Variants in CDC16 observed in about 807,000 individuals in gnomAD.
The protein encoded by CDC16 is cell division cycle protein 16 homolog.
CDC16 carries 34 observed loss-of-function variants against 87.0 expected under a neutral mutation model. The observed-to-expected ratio is 0.39, with a 90% CI of 0.30 to 0.52. CDC16 has a LOEUF of 0.52. Ranked by LOEUF, CDC16 falls within the 20% of genes least tolerant of loss-of-function variation. The probability of loss-of-function intolerance (pLI) is 0.74; values close to 1 mark genes in which losing one functional copy is unlikely to be tolerated. For synonymous variants in CDC16, 263 were observed against 260.6 expected, an observed-to-expected ratio of 1.01 and a Z score of -0.09; for missense variants, 653 against 751.9, an observed-to-expected ratio of 0.87 and a Z score of 1.54.
chr13:114,241,043 T>G (rs2081526327), intron 5 of CDC16, among the ~76,000 whole-genome samples: 1 of 152,250 alleles, frequency 6.6e-6, no homozygotes, highest in Non-Finnish European at 1.5e-5. Context: ...TCCTTAATGA[T>G]ACTAGCTGCC....
intron 3 of CDC16, among the ~76,000 whole-genome samples, chr13:114,237,998 C>T (rs17291041): frequency 6.6e-6 from 1 of 152,224 alleles, no homozygotes; most frequent in Admixed American, 6.5e-5. Context: ...CTCCACTCTG[C>T]GTCTAATCCA....
In CDC16 at chr13:114,250,657, A is replaced by G. The variant is rs1162365914; in HGVS notation, c.1080A>G (p.Ala360=). ...HDQAMAAYFT[A]AQLMKGCHLP... ...AAGCGATGGCTGCTTACTTCACAGCAGCACAGCTGATGAAAGGGTACGGCA... is the reference window on the plus strand; with the variant it reads ...AAGCGATGGCTGCTTACTTCACAGCGGCACAGCTGATGAAAGGGTACGGCA... The change falls in exon 12 of 18, where the codon GCA becomes GCG. Residue 360 remains alanine, a synonymous_variant. Coordinates refer to ENST00000356221, the MANE Select transcript of CDC16 (RefSeq NM_001078645.3). 3 of 1,614,186 alleles carry G rather than the reference A, an allele frequency of 1.9e-6. No individual in the cohort carries two copies. The South Asian group carries it at 3.3e-5, about 18-fold the overall frequency.
At position 114,250,438 on chromosome 13, in the gene CDC16, G is replaced by A. The variant is rs2082107744; in HGVS notation, c.972-111G>A. 4.6e-5 allele frequency: 43 copies of A among 944,638 alleles called. No individual in the cohort carries two copies. The South Asian group carries it at 7.5e-4, about 17-fold the overall frequency. The allele number at this position is 944,638 out of a possible 1,614,324, so 58.5% of individuals were successfully genotyped here. ...TATCTGGAGGCGGAGGCTGCAGAGA[G>A]CCGAGATCGCACCACTGCACTCCAG... On this transcript the variant is annotated intron_variant, in intron 11 of 17. Transcript: ENST00000356221.
chr13:114,235,412 A>G (rs936274603), intron 1 of CDC16, among the ~76,000 whole-genome samples: 2 of 152,238 alleles, frequency 1.3e-5, no homozygotes, highest in African/African-American at 4.8e-5. Context: ...GGAGGTGCCC[A>G]GGAAACACTG....
chr13:114,252,494 A>C (rs914070988), intron 12 of CDC16, among the ~76,000 whole-genome samples: 1 of 152,172 alleles, frequency 6.6e-6, no homozygotes, highest in Non-Finnish European at 1.5e-5. Flanking sequence ...TTGCACACCC[A>C]GTTATGGATC....
chr13:114,253,618 G>C (rs2082322964), intron 12 of CDC16, among the ~76,000 whole-genome samples: 1 of 151,864 alleles, frequency 6.6e-6, no homozygotes, highest in Admixed American at 6.6e-5. Flanking sequence ...TGAACCCAGA[G>C]GCAGAGGTTC....
intron 16 of CDC16, among the ~76,000 whole-genome samples, chr13:114,264,695 T>C (rs2083083939): frequency 6.6e-6 from 1 of 152,140 alleles, no homozygotes; most frequent in African/African-American, 2.4e-5. Flanking sequence ...CACTGCAACC[T>C]CCACCTCCCA....
At chr13:114,268,861 A>T (rs80091650) in intron 17 of CDC16, among the ~76,000 whole-genome samples, 3,716 of 152,224 alleles carry the variant, frequency 0.024, 156 homozygotes, top group African/African-American at 0.085. Flanking sequence ...ACCAGTACAC[A>T]CCCACCAGAA....
At chr13:114,259,766 A>G (rs144887864) in intron 14 of CDC16, among the ~76,000 whole-genome samples, 16 of 152,328 alleles carry the variant, frequency 1.1e-4, no homozygotes, top group Middle Eastern at 3.4e-3. Context: ...TCTTTGACTG[A>G]AGGGTAAATA....
intron 17 of CDC16, among the ~76,000 whole-genome samples, chr13:114,271,733 G>A (rs111901105): frequency 2.0e-5 from 3 of 151,864 alleles, no homozygotes; most frequent in Non-Finnish European, 4.4e-5. Flanking sequence ...TGCCCGCCTC[G>A]GCCTCCCAAA....
At chr13:114,255,109 C>A (rs1486224529) in intron 12 of CDC16, among the ~76,000 whole-genome samples, 1 of 152,162 alleles carries the variant, frequency 6.6e-6, no homozygotes, top group Non-Finnish European at 1.5e-5. Context: ...GATTTGAATT[C>A]CTATGTAGTA....
intron 1 of CDC16, among the ~76,000 whole-genome samples, chr13:114,236,151 A>G (rs939555320): frequency 3.3e-5 from 5 of 152,160 alleles, no homozygotes; most frequent in African/African-American, 9.7e-5. Flanking sequence ...GTTCTTCCCC[A>G]TGTTCAGTGA....
At chr13:114,252,656 C>T (rs1017804631) in intron 12 of CDC16, among the ~76,000 whole-genome samples, 10 of 75,770 alleles carry the variant, frequency 1.3e-4, no homozygotes, top group Admixed American at 3.2e-4. Flanking sequence ...AAAAAAAAAT[C>T]TCAATAATTC....
chr13:114,259,220 T>G, intron 13 of CDC16, 115 bp from the exon 14 acceptor site: 2 of 581,646 alleles, frequency 3.4e-6, no homozygotes, highest in East Asian at 3.3e-5. Context: ...TATAATTATT[T>G]CCAGCAGTTT....
At position 114,235,756 on chromosome 13, in the gene CDC16, T is replaced by C. The variant is rs547269788; in HGVS notation, c.48+624T>C. On this transcript the variant is annotated intron_variant, in intron 1 of 17. Transcript: ENST00000356221. ...GAAAGGGAAAGAAAAGCCATGGTAATGCAGAGTTTTCGGAATTGGGTGCTA... is the reference window on the plus strand; with the variant it reads ...GAAAGGGAAAGAAAAGCCATGGTAACGCAGAGTTTTCGGAATTGGGTGCTA... Among the ~76,000 whole-genome samples, 13 of 152,328 alleles carry C rather than the reference T, an allele frequency of 8.5e-5. No individual in the cohort carries two copies. The Middle Eastern group carries it at 0.01, about 120-fold the overall frequency.
chr13:114,239,640 TTCTG>T, intron 5 of CDC16, 150 bp downstream of exon 5: 2 of 1,214,478 alleles, frequency 1.6e-6, no homozygotes, highest in Non-Finnish European at 2.1e-6. Context: ...CCAAAAAAGA[TTCTG>T]AGACATTTCT....
chr13:114,243,088 T>G (rs1289757752), intron 6 of CDC16, among the ~76,000 whole-genome samples, 169 bp from the exon 7 acceptor site: 2 of 152,214 alleles, frequency 1.3e-5, no homozygotes, highest in East Asian at 3.8e-4. Context: ...GATTCCCGTC[T>G]TCAGGCCTGG....
chr13:114,267,204 T>G (rs1036621100), intron 17 of CDC16, among the ~76,000 whole-genome samples: 3 of 151,802 alleles, frequency 2.0e-5, no homozygotes, highest in South Asian at 4.2e-4. Flanking sequence ...AGAAGCTATC[T>G]AGGCCGGGCG....
intron 17 of CDC16, among the ~76,000 whole-genome samples, chr13:114,266,830 G>C (rs1177239592): frequency 6.6e-6 from 1 of 151,970 alleles, no homozygotes; most frequent in Non-Finnish European, 1.5e-5. Context: ...TGAGTAGCTG[G>C]GACTACAGGC....
Sources: gnomAD v4.1 joint callset for allele counts (sites outside exome capture counted in the v4.1 genomes callset) on GRCh38, gnomAD v4.1.1 for gene constraint, MANE v1.5 for transcripts, NCBI Gene and HGNC (gene_info 2026-07-23, HGNC 2026-07-21) for gene names.